The following LRPPRC variants were observed in gnomAD, a reference collection of about 807,000 sequenced individuals.
LRPPRC encodes the protein leucine-rich PPR motif-containing protein, mitochondrial.
A neutral mutation model predicts 180.3 loss-of-function variants in LRPPRC; 120 were observed. The ratio of observed to expected loss-of-function variants is 0.67; its 90% CI spans 0.57 to 0.77. The LOEUF (loss-of-function observed/expected upper bound fraction) is 0.77. Among genes scored for constraint, LRPPRC ranks in the 30% least tolerant of loss-of-function variants. LRPPRC has a pLI of 0.00. For missense variants in LRPPRC, 2,012 were observed against 1,657.2 expected (o/e 1.21, Z -3.72); for synonymous variants, 723 against 600.0 (o/e 1.21, Z -3.00).
intron 31 of LRPPRC, among the ~76,000 whole-genome samples, 200 bp downstream of exon 31, chr2:43,905,492 G>A (rs1362915081): frequency 1.3e-5 from 2 of 152,116 alleles, no homozygotes; most frequent in African/African-American, 4.8e-5. Context: ...TGGACTAAGT[G>A]GTCAAATGAC....
rs115693730 is a variant in LRPPRC, at chr2:43,960,594, G to C, written c.1529C>G (p.Ala510Gly). Residue 510 changes from alanine to glycine, a missense_variant, in exon 13 of 38, where the codon GCT becomes GGT. Transcript: ENST00000260665. ...ATTTGCTGCTTCACTTCTCAATCCA[G>C]CTTGAGAAAACATATCACTATCAGA... Reference protein sequence around the residue: ...CLSDSDMFSQAGLRSEAANGN... With the variant: ...CLSDSDMFSQGGLRSEAANGN... 1,188 of 1,606,316 alleles carry C rather than the reference G, an allele frequency of 7.4e-4. 17 individuals are homozygous for C. The African/African-American group carries it at 0.015, about 20-fold the overall frequency.
At position 43,912,497 on chromosome 2, in the gene LRPPRC, G is replaced by A. The variant is rs1430221626; in HGVS notation, c.3210C>T (p.Tyr1070=). The change falls in exon 30 of 38, where the codon TAC becomes TAT. Residue 1070 remains tyrosine, a synonymous_variant. Transcript: ENST00000260665. ...EQNIVFNAET[Y]SNLIKLLMSE... is the part of the protein sequence containing the mutation. ...ACATCAGTAATTTAATGAGATTGCTGTAGGTTTCAGCATTAAACACAATGT... is the reference window on the plus strand; with the variant it reads ...ACATCAGTAATTTAATGAGATTGCTATAGGTTTCAGCATTAAACACAATGT... The A allele has an allele frequency of 1.3e-6, 2 of 1,596,758 alleles. No homozygotes were observed. Among genetic ancestry groups the A allele is most frequent in the African/African-American group, 2.7e-5 (2 of 74,542 alleles).
At chr2:43,946,320 A>T (rs1672680709) in intron 20 of LRPPRC, 77 bp from the exon 21 acceptor site, 2 of 1,137,608 alleles carry the variant, frequency 1.8e-6, no homozygotes, top group South Asian at 2.5e-5. Flanking sequence ...TTTACTGTTC[A>T]GAGTTTAGAA....
intron 36 of LRPPRC, among the ~76,000 whole-genome samples, 174 bp from the exon 37 acceptor site, chr2:43,890,050 A>G (rs1419934099): frequency 6.6e-6 from 1 of 152,236 alleles, no homozygotes; most frequent in African/African-American, 2.4e-5. Flanking sequence ...ACTTCTCTAC[A>G]TCCCTCATTC....
At chr2:43,976,709 T>A (rs568078989) in intron 5 of LRPPRC, among the ~76,000 whole-genome samples, 208 of 134,860 alleles carry the variant, frequency 1.5e-3, no homozygotes, top group Middle Eastern at 0.012. Flanking sequence ...AGGAAATATT[T>A]AAAAAAAAAA....
chr2:43,954,477 G>C (rs1314368329), intron 14 of LRPPRC, among the ~76,000 whole-genome samples: 1 of 152,106 alleles, frequency 6.6e-6, no homozygotes, highest in African/African-American at 2.4e-5. Context: ...GCAGGAAGTG[G>C]GTACTCTCAT....
chr2:43,908,863 T>G (rs925915410), intron 30 of LRPPRC, among the ~76,000 whole-genome samples: 1 of 152,198 alleles, frequency 6.6e-6, no homozygotes, highest in African/African-American at 2.4e-5. Flanking sequence ...GTTGACCAAG[T>G]GACCTTATAT....
chr2:43,937,014 T>C (rs1316455650), intron 23 of LRPPRC, among the ~76,000 whole-genome samples: 3 of 152,212 alleles, frequency 2.0e-5, no homozygotes, highest in Admixed American at 6.5e-5. Context: ...CGATTTTTTT[T>C]TAAGTGGCAT....
At chr2:43,928,125 A>G (rs1195026402) in intron 25 of LRPPRC, among the ~76,000 whole-genome samples, 2 of 152,224 alleles carry the variant, frequency 1.3e-5, no homozygotes, top group Admixed American at 1.3e-4. Context: ...ATTTTTATAG[A>G]AACAATTGCA....
In LRPPRC at chr2:43,899,544, T is replaced by A. The variant is rs750826290; in HGVS notation, c.3631A>T (p.Ile1211Phe). Reference sequence around the variant, plus strand: ...GCCAAGCCGAAGTATTGGGGTTCAATGACTTTATTCTCTGAAGTAAGCATA... The same window carrying A: ...GCCAAGCCGAAGTATTGGGGTTCAAAGACTTTATTCTCTGAAGTAAGCATA... ...ENMLTSENKV[I>F]EPQYFGLAYL... The change falls in exon 33 of 38, where the codon ATT (isoleucine) becomes TTT (phenylalanine). Residue 1211 changes from isoleucine (I) to phenylalanine (F), a missense_variant. Coordinates refer to ENST00000260665, the MANE Select transcript of LRPPRC (RefSeq NM_133259.4). 4.3e-6 allele frequency: 7 copies of A among 1,612,108 alleles called. No homozygotes were observed. The South Asian group carries it at 7.7e-5, about 18-fold the overall frequency.
chr2:43,952,503 T>C (rs79351940), intron 14 of LRPPRC, among the ~76,000 whole-genome samples: 543 of 152,338 alleles, frequency 3.6e-3, no homozygotes, highest in Middle Eastern at 0.01. Context: ...CAGTGATTTT[T>C]AATTCAAAAT....
At chr2:43,911,563 G>A (rs1004278975) in intron 30 of LRPPRC, among the ~76,000 whole-genome samples, 14 of 98,432 alleles carry the variant, frequency 1.4e-4, no homozygotes, top group African/African-American at 5.8e-4. Context: ...GTCTCGCTTT[G>A]TCACCCAGGC....
At chr2:43,938,595 C>T (rs772349384) in intron 23 of LRPPRC, among the ~76,000 whole-genome samples, 1 of 152,082 alleles carries the variant, frequency 6.6e-6, no homozygotes, top group Non-Finnish European at 1.5e-5. Context: ...AAGAACATCC[C>T]GATAAATAAG....
intron 1 of LRPPRC, among the ~76,000 whole-genome samples, chr2:43,983,877 G>C (rs572406342): frequency 6.6e-6 from 1 of 152,110 alleles, no homozygotes; most frequent in Admixed American, 6.5e-5. Context: ...TTCTACCACT[G>C]TGATCTGGGA....
Position 43,899,742 on chromosome 2 carries a change from A to G in LRPPRC, c.3570-137T>C, listed in dbSNP as rs946802795. The G allele has an allele frequency of 4.7e-6, 3 of 641,802 alleles. No individual in the cohort carries two copies. The African/African-American group carries it at 5.5e-5, about 12-fold the overall frequency. The allele number at this position is 641,802 out of a possible 1,614,324, so 39.8% of individuals were successfully genotyped here. On this transcript the variant is annotated intron_variant, in intron 32 of 37. Transcript: ENST00000260665. Reference sequence around the variant, plus strand: ...AATGAAATACATTTACACTTAACCAAATAAACACTAGGCAACTGAAACCCT... The same window carrying G: ...AATGAAATACATTTACACTTAACCAGATAAACACTAGGCAACTGAAACCCT...
intron 11 of LRPPRC, among the ~76,000 whole-genome samples, chr2:43,969,145 G>A (rs956539361): frequency 3.3e-5 from 5 of 152,172 alleles, no homozygotes; most frequent in African/African-American, 9.7e-5. Context: ...GGGCGCAGAG[G>A]CTCACGCCTG....
intron 27 of LRPPRC, among the ~76,000 whole-genome samples, chr2:43,919,009 C>G (rs1363782143): frequency 6.6e-6 from 1 of 151,958 alleles, no homozygotes; most frequent in East Asian, 1.9e-4. Context: ...GGTACTGGTC[C>G]GTGGTCTGTT....
intron 11 of LRPPRC, among the ~76,000 whole-genome samples, chr2:43,972,184 G>GCTAA (rs1385838846): frequency 6.6e-6 from 1 of 152,192 alleles, no homozygotes; most frequent in Non-Finnish European, 1.5e-5. Context: ...AGACGTGGAA[G>GCTAA]CTAAGGTCAG....
At chr2:43,992,500 G>A (rs1051925294) in intron 1 of LRPPRC, among the ~76,000 whole-genome samples, 6 of 152,196 alleles carry the variant, frequency 3.9e-5, no homozygotes, top group African/African-American at 7.2e-5. Flanking sequence ...CTGTGCTAAA[G>A]AGTCTGGATC....
Sources: allele counts gnomAD v4.1 joint callset (sites outside exome capture counted in the v4.1 genomes callset), GRCh38; gene constraint gnomAD v4.1.1; transcripts MANE v1.5; gene names NCBI Gene and HGNC (gene_info 2026-07-23, HGNC 2026-07-21).